The following GNG7 variants were observed in gnomAD, a reference collection of about 807,000 sequenced individuals.
GNG7 encodes G protein subunit gamma 7, also known as guanine nucleotide-binding protein G(I)/G(S)/G(O) subunit gamma-7.
A neutral mutation model predicts 4.0 loss-of-function variants in GNG7; 1 was observed. That is an observed-to-expected ratio of 0.25 (90% CI 0.09 to 1.18). The LOEUF (loss-of-function observed/expected upper bound fraction) is 1.18. Among genes scored for constraint, GNG7 ranks in the 50% most tolerant of loss-of-function variants. GNG7 has a pLI of 0.50. For missense variants in GNG7, 86 were observed against 91.9 expected (o/e 0.94, Z 0.26); for synonymous variants, 34 against 36.9 (o/e 0.92, Z 0.29).
chr19:2,614,275 C>T lies in GNG7; in HGVS notation c.-78+31949G>A, dbSNP rs1002225693. On this transcript the variant is annotated intron_variant, in intron 2 of 4. Coordinates refer to ENST00000382159, the MANE Select transcript of GNG7 (RefSeq NM_052847.3). This position sits in a 1 kb window ranked among gnomAD's most constrained non-coding sequence, Gnocchi z 6.0. ...ACCCTCTCCCTGCCCTCTGTGTACC[C>T]GCAGGGGGGCCCTGCACGTCGGGTC... 2.6e-5 allele frequency among the ~76,000 whole-genome samples: 4 copies of T among 152,192 alleles called. No individual in the cohort carries two copies. Among genetic ancestry groups the T allele is most frequent in the Non-Finnish European group, 5.9e-5 (4 of 68,026 alleles).
chr19:2,620,464 C>G (rs377732639), intron 2 of GNG7, among the ~76,000 whole-genome samples: 1 of 152,088 alleles, frequency 6.6e-6, no homozygotes, highest in South Asian at 2.1e-4. Context: ...CTCAGACCAA[C>G]AGGATATTAA....
intron 3 of GNG7, chr19:2,537,976 C>T (rs983842247): frequency 2.0e-4 from 75 of 371,092 alleles, no homozygotes; most frequent in African/African-American, 1.5e-3. Flanking sequence ...ACTCAGGAGG[C>T]TGAGGTGGGA....
chr19:2,673,866 A>G (rs1844405831), intron 1 of GNG7, among the ~76,000 whole-genome samples: 1 of 152,128 alleles, frequency 6.6e-6, no homozygotes, highest in Admixed American at 6.6e-5. Context: ...AATTGTGTAT[A>G]TTTCCAATAT....
intron 3 of GNG7, among the ~76,000 whole-genome samples, chr19:2,542,030 G>C (rs569473501): frequency 6.6e-6 from 1 of 151,798 alleles, no homozygotes; most frequent in Non-Finnish European, 1.5e-5. Context: ...GCTGCAGGGC[G>C]GCCCTTCCAA....
intron 2 of GNG7, among the ~76,000 whole-genome samples, chr19:2,564,998 C>T (rs1476333084): frequency 6.6e-6 from 1 of 151,366 alleles, no homozygotes; most frequent in Admixed American, 6.6e-5. Context: ...TGAGACCACT[C>T]TGGTCAACAC....
intron 2 of GNG7, among the ~76,000 whole-genome samples, chr19:2,598,598 A>T (rs1419586013): frequency 6.6e-6 from 1 of 151,710 alleles, no homozygotes; most frequent in East Asian, 1.9e-4. Flanking sequence ...CAGAGCTTGC[A>T]GTGAGCTGAG....
intron 1 of GNG7, among the ~76,000 whole-genome samples, chr19:2,694,596 A>G (rs1568287243): frequency 6.6e-6 from 1 of 152,124 alleles, no homozygotes. Context: ...TAAACTCCCA[A>G]TGGGGCAGAC....
Position 2,511,737 on chromosome 19 carries a change from CAGA to C in GNG7, c.*3282_*3284del, listed in dbSNP as rs1254830133. ...TGGCCGGCCCGTCAAAGGGACCACG[CAGA>C]AGGAGGGAAACAGGAGCACCTTCCG... is the stretch of plus-strand genomic sequence containing the variant. On this transcript the variant is annotated 3_prime_UTR_variant, in exon 5 of 5. Coordinates refer to ENST00000382159, the MANE Select transcript of GNG7 (RefSeq NM_052847.3). The surrounding 1 kb of genome is among the most constrained non-coding windows in gnomAD (Gnocchi z 6.3). 2 of 924,286 alleles carry C rather than the reference CAGA, an allele frequency of 2.2e-6. No individual in the cohort carries two copies. The highest frequency in any genetic ancestry group is 6.2e-5 in the Admixed American group (1 of 16,176). The allele number at this position is 924,286 out of a possible 1,614,324, so 57.3% of individuals were successfully genotyped here.
chr19:2,600,468 A>ATTTT, intron 2 of GNG7, among the ~76,000 whole-genome samples: 1 of 120,356 alleles, frequency 8.3e-6, no homozygotes, highest in Non-Finnish European at 1.8e-5. Context: ...GTATCTTGGC[A>ATTTT]TTTTTTTTTT....
intron 2 of GNG7, among the ~76,000 whole-genome samples, chr19:2,596,257 G>A (rs1327025205): frequency 1.3e-5 from 2 of 152,176 alleles, no homozygotes; most frequent in African/African-American, 2.4e-5. Context: ...TACTTGGGAG[G>A]CTGAGACAGG....
At position 2,557,340 on chromosome 19, in the gene GNG7, C is replaced by G. The variant is rs912447915; in HGVS notation, c.-77-2152G>C. ...ACACACATGTGCACACAGACACACACATGTGCACACACACAGACACACACA... is the reference window on the plus strand; with the variant it reads ...ACACACATGTGCACACAGACACACAGATGTGCACACACACAGACACACACA... On this transcript the variant is annotated intron_variant, in intron 2 of 4. Transcript: ENST00000382159. The surrounding 1 kb of genome is among the most constrained non-coding windows in gnomAD (Gnocchi z 5.1). 6.6e-6 allele frequency among the ~76,000 whole-genome samples: 1 copy of G among 151,804 alleles called. No homozygotes were observed. Among genetic ancestry groups the G allele is most frequent in the East Asian group, 1.9e-4 (1 of 5,184 alleles).
intron 1 of GNG7, among the ~76,000 whole-genome samples, chr19:2,690,064 T>A (rs955455785): frequency 1.3e-5 from 2 of 152,042 alleles, no homozygotes; most frequent in African/African-American, 4.8e-5. Flanking sequence ...AAGCAGGGCT[T>A]CCTTTGACTT....
chr19:2,583,145 G>A (rs1324584702), intron 2 of GNG7, among the ~76,000 whole-genome samples: 1 of 152,026 alleles, frequency 6.6e-6, no homozygotes, highest in African/African-American at 2.4e-5. Context: ...ATAATATCCA[G>A]GGATGGTCAA....
At chr19:2,536,559 A>AT (rs748635874) in intron 3 of GNG7, among the ~76,000 whole-genome samples, 1 of 152,244 alleles carries the variant, frequency 6.6e-6, no homozygotes, top group Non-Finnish European at 1.5e-5. Flanking sequence ...AGCAAGAAAT[A>AT]TAAGATCTGT....
At chr19:2,619,961 A>G (rs201730321) in intron 2 of GNG7, among the ~76,000 whole-genome samples, 61 of 137,690 alleles carry the variant, frequency 4.4e-4, no homozygotes, top group Admixed American at 1.5e-3. Context: ...TGGGAGGACG[A>G]GGGGGGGGCG....
chr19:2,624,356 C>A (rs543791117), intron 2 of GNG7, among the ~76,000 whole-genome samples: 51 of 151,572 alleles, frequency 3.4e-4, no homozygotes, highest in African/African-American at 1.2e-3. Flanking sequence ...GGTGAAACCC[C>A]GTCTCCAATA....
intron 1 of GNG7, among the ~76,000 whole-genome samples, chr19:2,688,763 G>T (rs774118932): frequency 2.0e-5 from 3 of 152,054 alleles, no homozygotes; most frequent in Non-Finnish European, 2.9e-5. Context: ...GTGTGGAGTT[G>T]AGAGAAATGA....
At chr19:2,640,379 C>T (rs1057088047) in intron 2 of GNG7, among the ~76,000 whole-genome samples, 2 of 152,090 alleles carry the variant, frequency 1.3e-5, no homozygotes, top group Admixed American at 6.5e-5. Context: ...GTCACCACCC[C>T]CTATCACACA....
chr19:2,676,285 C>T (rs1983591603), intron 1 of GNG7, among the ~76,000 whole-genome samples: 3 of 152,138 alleles, frequency 2.0e-5, no homozygotes, highest in Non-Finnish European at 2.9e-5. Flanking sequence ...TTTCCATGGG[C>T]GCCCTCAAAT....
Sources: gnomAD v4.1 joint callset for allele counts (sites outside exome capture counted in the v4.1 genomes callset) on GRCh38, gnomAD v4.1.1 for gene constraint, Gnocchi (gnomAD v3.1) non-coding constraint, MANE v1.5 for transcripts, NCBI Gene and HGNC (gene_info 2026-07-23, HGNC 2026-07-21) for gene names.